Variants in TEX11 observed in about 807,000 individuals in gnomAD.
TEX11 encodes testis expressed 11, also known as testis-expressed protein 11.
In TEX11, 7 loss-of-function variants were observed where a neutral mutation model predicts 84.4. The observed-to-expected ratio is 0.08, with a 90% confidence interval of 0.05 to 0.16. TEX11 has a LOEUF of 0.16. TEX11 is among the 10% of genes least tolerant of loss of function. TEX11 has a pLI of 1.00. For missense variants in TEX11, 551 were observed against 660.5 expected, an observed-to-expected ratio of 0.83 and a Z score of 1.82; for synonymous variants, 264 against 222.8, an observed-to-expected ratio of 1.18 and a Z score of -1.64.
chrX:70,671,028 A>T (rs1051134010), intron 15 of TEX11, among the ~76,000 whole-genome samples: 4 of 111,634 alleles, frequency 3.6e-5, no homozygotes, highest in Non-Finnish European at 5.7e-5. Context: ...CTTCACAGTA[A>T]TCAATTTTAG....
At chrX:70,612,235 C>G (rs1213896362) in intron 20 of TEX11, among the ~76,000 whole-genome samples, 2 of 111,134 alleles carry the variant, frequency 1.8e-5, no homozygotes, top group Non-Finnish European at 3.8e-5. Context: ...GTTCCTTTTA[C>G]CTGGTACATC....
At chrX:70,634,158 G>T (rs764301266) in intron 17 of TEX11, among the ~76,000 whole-genome samples, 1 of 111,307 alleles carries the variant, frequency 9.0e-6, no homozygotes, top group Non-Finnish European at 1.9e-5. Context: ...GGATAAATCT[G>T]ACAAAAGATG....
rs1039603890 is a variant in TEX11 at position 70,656,040 on chromosome X, A to G, written c.1381-4488T>C. Among the ~76,000 whole-genome samples, 3 of 110,593 alleles carry G rather than the reference A, an allele frequency of 2.7e-5. No homozygotes were observed. In the Admixed American group the frequency reaches 2.9e-4, roughly 11 times the overall value. ...CACAATTGTCAATTTGTATAATTGA[A>G]TATGTAGACAACCCAGAAGAATTTA... On this transcript the variant is annotated intron_variant, in intron 16 of 29. Coordinates refer to ENST00000374333, the MANE Select transcript of TEX11 (RefSeq NM_031276.3).
At chrX:70,692,721 T>TA (rs1276894828) in intron 13 of TEX11, among the ~76,000 whole-genome samples, 10 of 110,302 alleles carry the variant, frequency 9.1e-5, no homozygotes, top group Non-Finnish European at 1.9e-4. Context: ...ATTCATCCAC[T>TA]AATAGACACT....
At chrX:70,760,592 T>G (rs1417324940) in intron 9 of TEX11, among the ~76,000 whole-genome samples, 1 of 111,730 alleles carries the variant, frequency 9.0e-6, no homozygotes, top group East Asian at 2.8e-4. Context: ...TCCTTATAGC[T>G]TATAGAAAAA....
chrX:70,852,997 T>C, intron 7 of TEX11, 37 bp downstream of exon 7: 1 of 1,191,011 alleles, frequency 8.4e-7, no homozygotes, highest in Non-Finnish European at 1.1e-6. Flanking sequence ...ATATGGAAAA[T>C]GCCCCACTGG....
chrX:70,845,184 G>C (rs931652073), intron 7 of TEX11, among the ~76,000 whole-genome samples: 2 of 110,578 alleles, frequency 1.8e-5, no homozygotes, highest in Non-Finnish European at 3.8e-5. Flanking sequence ...TTACTTTTGA[G>C]AGGGAATCTC....
At chrX:70,682,529 T>G (rs2090155525) in intron 14 of TEX11, 145 bp downstream of exon 14, 6 of 559,517 alleles carry the variant, frequency 1.1e-5, no homozygotes, top group Non-Finnish European at 1.7e-5. Flanking sequence ...ACAGGTGAGG[T>G]GTTACTGTTA....
chrX:70,682,223 G>A (rs551628719), intron 14 of TEX11, among the ~76,000 whole-genome samples: 2 of 111,402 alleles, frequency 1.8e-5, no homozygotes, highest in South Asian at 3.9e-4. Flanking sequence ...ATTTCATTCA[G>A]GGTGGGGTTC....
At chrX:70,683,858 G>A (rs2090166057) in intron 13 of TEX11, among the ~76,000 whole-genome samples, 1 of 111,608 alleles carries the variant, frequency 9.0e-6, no homozygotes, top group African/African-American at 3.3e-5. Flanking sequence ...AATAGAGAAC[G>A]CAGAAATAAA....
At position 70,674,688 on chromosome X, in the gene TEX11, T is replaced by C. The variant is rs182120467; in HGVS notation, c.1242+4116A>G. On this transcript the variant is annotated intron_variant, in intron 15 of 29. Coordinates refer to ENST00000374333, the MANE Select transcript of TEX11 (RefSeq NM_031276.3). ...TTTGTTTATAACCAATTTGTATCTT[T>C]ATGTTTAAAGTACATTTCTTTTAAG... 4.4e-5 allele frequency among the ~76,000 whole-genome samples: 5 copies of C among 112,518 alleles called. No individual in the cohort carries two copies. In the East Asian group the frequency reaches 1.4e-3, roughly 31 times the overall value.
chrX:70,608,602 G>T (rs900729794), intron 22 of TEX11, among the ~76,000 whole-genome samples: 1 of 109,748 alleles, frequency 9.1e-6, no homozygotes, highest in Non-Finnish European at 1.9e-5. Flanking sequence ...TTAGCCGGGC[G>T]TGGTGGCGGG....
intron 28 of TEX11, among the ~76,000 whole-genome samples, chrX:70,531,105 T>C (rs150866174): frequency 6.5e-4 from 72 of 111,439 alleles, no homozygotes; most frequent in African/African-American, 2.1e-3. Flanking sequence ...TAACTTATGT[T>C]ATATTGTTTT....
At chrX:70,520,824 T>A in the TEX11 span, among the ~76,000 whole-genome samples, 5 of 111,727 alleles carry the variant, frequency 4.5e-5, no homozygotes, top group African/African-American at 1.6e-4. Flanking sequence ...TTTGTTTACC[T>A]ACTGAAGCCT....
chrX:70,581,758 G>C (rs1004154688), intron 25 of TEX11, among the ~76,000 whole-genome samples: 1 of 111,793 alleles, frequency 8.9e-6, no homozygotes, highest in Admixed American at 9.6e-5. Context: ...ATGTTTGTGA[G>C]AGATAGTTCT....
chrX:70,531,866 G>A (rs1011695824), intron 28 of TEX11, among the ~76,000 whole-genome samples: 2 of 112,072 alleles, frequency 1.8e-5, no homozygotes, highest in Non-Finnish European at 3.8e-5. Flanking sequence ...GGCATTCCAT[G>A]TGGGTAGAAC....
At chrX:70,641,607 A>G (rs1182617726) in intron 17 of TEX11, among the ~76,000 whole-genome samples, 1 of 111,981 alleles carries the variant, frequency 8.9e-6, no homozygotes, top group Non-Finnish European at 1.9e-5. Context: ...ACTCAGGATT[A>G]AGAATCTCAC....
Position 70,846,458 on chromosome X carries a change from C to A in TEX11, c.525+6576G>T, listed in dbSNP as rs192130529. Among the ~76,000 whole-genome samples, 251 of 112,489 alleles carry A rather than the reference C, an allele frequency of 2.2e-3. 1 individual carries two copies. The highest frequency in any genetic ancestry group is 7.9e-3 in the African/African-American group (245 of 31,054). ...AAATGCTAAAACAGCAAAAAATAGG[C>A]AAATAATGTTTTAGAATTATTATAA... On this transcript the variant is annotated intron_variant, in intron 7 of 29. Transcript: ENST00000374333.
At chrX:70,804,973 T>A (rs959089966) in intron 9 of TEX11, among the ~76,000 whole-genome samples, 215 of 54,680 alleles carry the variant, frequency 3.9e-3, no homozygotes, top group African/African-American at 0.021. Flanking sequence ...CCAGCATCCT[T>A]TTTTTTTTTT....
Sources: gnomAD v4.1 joint callset for allele counts (sites outside exome capture counted in the v4.1 genomes callset) on GRCh38, gnomAD v4.1.1 for gene constraint, MANE v1.5 for transcripts, NCBI Gene and HGNC (gene_info 2026-07-23, HGNC 2026-07-21) for gene names.